The following SKOR1 variants were observed in gnomAD, a reference collection of about 807,000 sequenced individuals.
SKOR1 encodes the protein LBX1 corepressor 1.
SKOR1 carries 38 observed loss-of-function variants against 72.4 expected under a neutral mutation model. The observed-to-expected ratio is 0.52, with a 90% CI of 0.40 to 0.69. SKOR1 has a LOEUF of 0.69. SKOR1 is among the 30% of genes least tolerant of loss of function. The pLI is 0.00. For missense variants in SKOR1, 1,320 were observed against 1,343.2 expected, an observed-to-expected ratio of 0.98 and a Z score of 0.27; for synonymous variants, 642 against 599.4, an observed-to-expected ratio of 1.07 and a Z score of -1.04.
In SKOR1 at chr15:67,832,253, C is replaced by A; in HGVS notation, c.2588-21C>A. ...CCCTGCTTTACCTCCCACTTTACCT[C>A]CCACTTTTCCCCTTTCACAGAGGAA... On this transcript the variant is annotated intron_variant, in intron 5 of 8. Coordinates refer to ENST00000380035, the MANE Select transcript of SKOR1 (RefSeq NM_001365915.1). This position sits in a 1 kb window ranked among gnomAD's most constrained non-coding sequence, Gnocchi z 4.5. 3 of 1,612,832 alleles carry A rather than the reference C, an allele frequency of 1.9e-6. No homozygotes were observed. Among genetic ancestry groups the A allele is most frequent in the Admixed American group, 3.3e-5 (2 of 59,996 alleles).
In SKOR1 at chr15:67,825,828, C is replaced by A; in HGVS notation, c.108-108C>A. 3 of 1,518,212 alleles carry A rather than the reference C, an allele frequency of 2.0e-6. No homozygotes were observed. Among genetic ancestry groups the A allele is most frequent in the Non-Finnish European group, 2.6e-6 (3 of 1,138,762 alleles). The allele number at this position is 1,518,212 out of a possible 1,614,324, so 94.0% of individuals were successfully genotyped here. A position where few individuals can be genotyped will look rare whatever the true frequency, so the allele number is the denominator to read the frequency against. ...GTGAATGAGTTTGGACTCCCCACTG[C>A]CAAGTATCCCCCGCGCGCCCAACTC... is the stretch of plus-strand genomic sequence containing the variant. On this transcript the variant is annotated intron_variant, in intron 1 of 8. Coordinates refer to ENST00000380035, the MANE Select transcript of SKOR1 (RefSeq NM_001365915.1). This position sits in a 1 kb window ranked among gnomAD's most constrained non-coding sequence, Gnocchi z 5.6.
In SKOR1 at chr15:67,825,786, A is replaced by C. The variant is rs541243225; in HGVS notation, c.107+77A>C. The C allele has an allele frequency of 1.7e-5, 25 of 1,445,022 alleles. No homozygotes were observed. In the African/African-American group the frequency reaches 3.0e-4, roughly 17 times the overall value. The allele number at this position is 1,445,022 out of a possible 1,614,324, so 89.5% of individuals were successfully genotyped here. On this transcript the variant is annotated intron_variant, in intron 1 of 8. Coordinates refer to ENST00000380035, the MANE Select transcript of SKOR1 (RefSeq NM_001365915.1). The surrounding 1 kb of genome is among the most constrained non-coding windows in gnomAD (Gnocchi z 5.6). ...CGCCAACATGGGTCTGAGTAACAAA[A>C]GACGCCTGTCCAGGGGGTGAATGAG... is the stretch of plus-strand genomic sequence containing the variant.
Position 67,827,695 on chromosome 15 carries a change from G to A in SKOR1, c.1867G>A (p.Gly623Arg), listed in dbSNP as rs1193876951. The change falls in exon 2 of 9, where the codon GGG becomes AGG. Residue 623 changes from glycine (G) to arginine (R), a missense_variant. Gly to Arg is a moderately radical substitution (Grantham distance 125, BLOSUM62 -2). Coordinates refer to ENST00000380035, the MANE Select transcript of SKOR1 (RefSeq NM_001365915.1). ...REAYGAGPAR[G>R]PGPGAGSGGY... ...GGCGTACGGCGCGGGGCCTGCTCGG[G>A]GGCCGGGACCCGGCGCTGGGAGCGG... 1.3e-6 allele frequency: 2 copies of A among 1,537,520 alleles called. No homozygotes were observed. The highest frequency in any genetic ancestry group is 1.2e-5 in the South Asian group (1 of 82,556).
Position 67,832,065 on chromosome 15 carries a change from G to A in SKOR1, c.2588-209G>A, listed in dbSNP as rs1319580057. ...GCCAGGGCCTAGATTCCACCGTCCT[G>A]AATTTATTCTCCTGGGCATCCTACC... is the stretch of plus-strand genomic sequence containing the variant. On this transcript the variant is annotated intron_variant, in intron 5 of 8. Coordinates refer to ENST00000380035, the MANE Select transcript of SKOR1 (RefSeq NM_001365915.1). The surrounding 1 kb of genome is among the most constrained non-coding windows in gnomAD (Gnocchi z 4.5). Among the ~76,000 whole-genome samples, 1 of 152,124 alleles carries A rather than the reference G, an allele frequency of 6.6e-6. No individual in the cohort carries two copies. Among genetic ancestry groups the A allele is most frequent in the Non-Finnish European group, 1.5e-5 (1 of 68,026 alleles).
At chr15:67,830,362 G>A in intron 4 of SKOR1, 64 bp downstream of exon 4, 2 of 1,388,498 alleles carry the variant, frequency 1.4e-6, no homozygotes, top group Non-Finnish European at 2.0e-6. Context: ...AGGTCGCCCA[G>A]GTTCCCAGAG....
In SKOR1 at chr15:67,829,209, A is replaced by T; in HGVS notation, c.2347A>T (p.Lys783Ter). 1 of 1,575,708 alleles carries T rather than the reference A, an allele frequency of 6.3e-7. No homozygotes were observed. The highest frequency in any genetic ancestry group is 8.6e-7 in the Non-Finnish European group (1 of 1,168,282). Residue 783 changes from lysine to a stop codon, truncating the protein, a stop_gained, in exon 3 of 9, where the codon AAG becomes TAG. Transcript: ENST00000380035. LOFTEE classifies it high-confidence loss of function. ...VFAPERDEHV[K>*]SAAVALGPAA... ...CGCGCCCGAGAGGGATGAGCACGTG[A>T]AGAGCGCGGCGGTGGCGCTGGGGCC...
chr15:67,833,920 C>A lies in SKOR1; in HGVS notation c.*84C>A, dbSNP rs1002939418. 2.8e-6 allele frequency: 4 copies of A among 1,445,894 alleles called. No individual in the cohort carries two copies. The highest frequency in any genetic ancestry group is 3.8e-6 in the Non-Finnish European group (4 of 1,041,926). The allele number at this position is 1,445,894 out of a possible 1,614,324, so 89.6% of individuals were successfully genotyped here. A position where few individuals can be genotyped will look rare whatever the true frequency, so the allele number is the denominator to read the frequency against. ...TGCTGCGGTGGCCCTGAGCGAGGAA[C>A]AAGCCATTCGGACCCGACCGATGTA... is the stretch of plus-strand genomic sequence containing the variant. On this transcript the variant is annotated 3_prime_UTR_variant, in exon 9 of 9. Coordinates refer to ENST00000380035, the MANE Select transcript of SKOR1 (RefSeq NM_001365915.1). The surrounding 1 kb of genome is among the most constrained non-coding windows in gnomAD (Gnocchi z 6.0).
intron 3 of SKOR1, among the ~76,000 whole-genome samples, chr15:67,829,892 G>A (rs1597018284): frequency 6.6e-6 from 1 of 152,176 alleles, no homozygotes; most frequent in East Asian, 1.9e-4. Context: ...GCGCGCTCGC[G>A]GTGCCCCAGT....
chr15:67,833,559 T>G lies in SKOR1; in HGVS notation c.2804-183T>G, dbSNP rs1263550664. ...TTCCTTTTCTGTAAAATGGGGCTAC[T>G]GAACCAGAGCAGTGGTTCTGAATCA... On this transcript the variant is annotated intron_variant, in intron 8 of 8. Transcript: ENST00000380035. The surrounding 1 kb of genome is among the most constrained non-coding windows in gnomAD (Gnocchi z 6.0). Among the ~76,000 whole-genome samples the G allele has an allele frequency of 6.6e-6, 1 of 152,242 alleles. No homozygotes were observed. Among genetic ancestry groups the G allele is most frequent in the Non-Finnish European group, 1.5e-5 (1 of 68,046 alleles).
At position 67,832,306 on chromosome 15, in the gene SKOR1, G is replaced by C; in HGVS notation, c.2620G>C (p.Glu874Gln). ...ELQKLLLEQM[E>Q]LRKKLEREFQ... ...GCAAAAACTGCTCCTGGAACAAATG[G>C]AGCTCCGCAAGAAGCTGGAACGGGA... is the stretch of plus-strand genomic sequence containing the variant. The change falls in exon 6 of 9, where the codon GAG becomes CAG. Residue 874 changes from glutamate (E) to glutamine (Q), a missense_variant. Physicochemically the swap from Glu to Gln is conservative, Grantham distance 29 (BLOSUM62 2). Transcript: ENST00000380035. This position sits in a 1 kb window ranked among gnomAD's most constrained non-coding sequence, Gnocchi z 4.5. 6.2e-7 allele frequency: 1 copy of C among 1,614,092 alleles called. No individual in the cohort carries two copies. The highest frequency in any genetic ancestry group is 8.5e-7 in the Non-Finnish European group (1 of 1,180,026).
Position 67,830,810 on chromosome 15 carries a change from T to C in SKOR1, c.2516-8T>C, listed in dbSNP as rs750212399. On this transcript the variant is annotated splice_polypyrimidine_tract_variant and splice_region_variant and intron_variant, in intron 4 of 8. Transcript: ENST00000380035. ...ACAGAACCCCTCTTACCTGCCCCTG[T>C]ATCCCAGGCGAAGATGGGCTTACCT... 8.7e-6 allele frequency: 14 copies of C among 1,614,028 alleles called. No individual in the cohort carries two copies.
At position 67,827,899 on chromosome 15, in the gene SKOR1, G is replaced by A. The variant is rs982051327; in HGVS notation, c.2071G>A (p.Gly691Ser). ...SAPSAGGGPD[G>S]EQPTGPPSAT... ...ACCCAGCGCAGGGGGCGGCCCAGACGGTGAACAGCCCACTGGACCCCCTTC... is the reference window on the plus strand; with the variant it reads ...ACCCAGCGCAGGGGGCGGCCCAGACAGTGAACAGCCCACTGGACCCCCTTC... The change falls in exon 2 of 9, where the codon GGT (glycine) becomes AGT (serine). Residue 691 changes from glycine (G) to serine (S), a missense_variant. Physicochemically the swap from Gly to Ser is moderately conservative, Grantham distance 56 (BLOSUM62 0). Coordinates refer to ENST00000380035, the MANE Select transcript of SKOR1 (RefSeq NM_001365915.1). The A allele has an allele frequency of 3.1e-6, 5 of 1,599,732 alleles. No individual in the cohort carries two copies. The highest frequency in any genetic ancestry group is 2.3e-5 in the South Asian group (2 of 88,884).
At position 67,825,800 on chromosome 15, in the gene SKOR1, G is replaced by T. The variant is rs981929473; in HGVS notation, c.107+91G>T. On this transcript the variant is annotated intron_variant, in intron 1 of 8. Transcript: ENST00000380035. The surrounding 1 kb of genome is among the most constrained non-coding windows in gnomAD (Gnocchi z 5.6). The stretch of plus-strand genomic sequence containing the variant: ...TGAGTAACAAAAGACGCCTGTCCAG[G>T]GGGTGAATGAGTTTGGACTCCCCAC... The T allele has an allele frequency of 5.3e-6, 8 of 1,501,066 alleles. No individual in the cohort carries two copies. In the African/African-American group the frequency reaches 8.3e-5, roughly 16 times the overall value. The allele number at this position is 1,501,066 out of a possible 1,614,324, so 93.0% of individuals were successfully genotyped here.
Position 67,834,059 on chromosome 15 carries a change from G to C in SKOR1, c.*223G>C. On this transcript the variant is annotated 3_prime_UTR_variant, in exon 9 of 9. Coordinates refer to ENST00000380035, the MANE Select transcript of SKOR1 (RefSeq NM_001365915.1). The surrounding 1 kb of genome is among the most constrained non-coding windows in gnomAD (Gnocchi z 5.8). ...GGTTTCCAAGTGTAAATACCGCCTC[G>C]CGCCTCAAATCCCCCTACCCCGTGT... The C allele has an allele frequency of 1.7e-6, 1 of 596,424 alleles. No homozygotes were observed. Among genetic ancestry groups the C allele is most frequent in the East Asian group, 2.8e-5 (1 of 35,172 alleles). 36.9% of individuals were successfully genotyped at this position (596,424 alleles called of 1,614,324 possible). A position where few individuals can be genotyped will look rare whatever the true frequency, so the allele number is the denominator to read the frequency against.
Position 67,827,231 on chromosome 15 carries a change from C to T in SKOR1, c.1403C>T (p.Ala468Val). Residue 468 changes from alanine to valine, a missense_variant, in exon 2 of 9, where the codon GCA (alanine) becomes GTA (valine). This residue lies in a region of SKOR1 where 1,099 missense variants were observed against 1,025.5 expected (regional missense o/e 1.07). Coordinates refer to ENST00000380035, the MANE Select transcript of SKOR1 (RefSeq NM_001365915.1). The part of the protein sequence containing the change: ...AMFWGHQPSG[A>V]AKDAAAVAAA... ...TTCTGGGGGCATCAACCCTCCGGGG[C>T]AGCCAAGGACGCAGCGGCAGTGGCT... 1.3e-6 allele frequency: 2 copies of T among 1,566,648 alleles called. No homozygotes were observed. The highest frequency in any genetic ancestry group is 1.1e-5 in the South Asian group (1 of 87,546).
In SKOR1 at chr15:67,826,872, T is replaced by C. The variant is rs1255775283; in HGVS notation, c.1044T>C (p.Leu348=). The change falls in exon 2 of 9, where the codon CTT becomes CTC. Residue 348 remains leucine (L), a synonymous_variant. Transcript: ENST00000380035. ...GPPPPHPQRG[L]GLATGASGPA... ...CTCCACCCCACCCGCAGCGCGGACT[T>C]GGCCTGGCGACTGGAGCTAGTGGCC... 3.9e-6 allele frequency: 6 copies of C among 1,537,748 alleles called. No homozygotes were observed. The highest frequency in any genetic ancestry group is 1.4e-5 in the African/African-American group (1 of 72,646).
At position 67,834,101 on chromosome 15, in the gene SKOR1, G is replaced by A. The variant is rs1309391914; in HGVS notation, c.*265G>A. ...ACCCCGTGTGAACTCTAGGGCATCG[G>A]ACCTCAAGGGGTTAACTGGACAGAC... On this transcript the variant is annotated 3_prime_UTR_variant, in exon 9 of 9. Coordinates refer to ENST00000380035, the MANE Select transcript of SKOR1 (RefSeq NM_001365915.1). This position sits in a 1 kb window ranked among gnomAD's most constrained non-coding sequence, Gnocchi z 5.8. The A allele has an allele frequency of 7.6e-6, 4 of 529,358 alleles. No homozygotes were observed. Among genetic ancestry groups the A allele is most frequent in the Non-Finnish European group, 1.4e-5 (4 of 290,512 alleles). The allele number at this position is 529,358 out of a possible 1,614,324, so 32.8% of individuals were successfully genotyped here.
At position 67,830,248 on chromosome 15, in the gene SKOR1, A is replaced by C. The variant is rs2090998538; in HGVS notation, c.2465A>C (p.Tyr822Ser). ...GATGATTTGGAAACGAGGAAATCCT[A>C]TCCAGACCAAAGGAGTATCTCCCAG... ...PADDLETRKS[Y>S]PDQRSISQPS... The change falls in exon 4 of 9, where the codon TAT becomes TCT. Residue 822 changes from tyrosine to serine, a missense_variant. By Grantham distance (144) the Tyr-to-Ser change is moderately radical. This residue lies in a region of SKOR1 where 1,099 missense variants were observed against 1,025.5 expected (regional missense o/e 1.07). Coordinates refer to ENST00000380035, the MANE Select transcript of SKOR1 (RefSeq NM_001365915.1). 1 of 1,614,190 alleles carries C rather than the reference A, an allele frequency of 6.2e-7. No individual in the cohort carries two copies.
chr15:67,828,324 C>T (rs958840828), intron 2 of SKOR1, among the ~76,000 whole-genome samples, 180 bp downstream of exon 2: 15 of 152,298 alleles, frequency 9.8e-5, no homozygotes, highest in Admixed American at 6.5e-4. Context: ...CCCGCACCCT[C>T]CAGTGAGGGT....
Sources: allele counts gnomAD v4.1 joint callset (sites outside exome capture counted in the v4.1 genomes callset), GRCh38; gene constraint gnomAD v4.1.1; regional missense constraint gnomAD v4.1.1; non-coding constraint Gnocchi (gnomAD v3.1); transcripts MANE v1.5; gene names NCBI Gene and HGNC (gene_info 2026-07-23, HGNC 2026-07-21).